Variants in BLTP1 observed in about 807,000 individuals in gnomAD.
BLTP1 encodes the protein bridge-like lipid transfer protein family member 1.
chr4:122,254,732 A>G, the BLTP1 span: 1 of 1,380,978 alleles, frequency 7.2e-7, no homozygotes, highest in South Asian at 1.9e-5. Flanking sequence ...CACTAAGTAC[A>G]GTAGGTATGG....
the BLTP1 span, chr4:122,223,241 T>C: frequency 1.4e-6 from 1 of 712,280 alleles, no homozygotes; most frequent in Non-Finnish European, 1.7e-6. Flanking sequence ...TTAGCCCTTA[T>C]CCTTAAAAAA....
the BLTP1 span, among the ~76,000 whole-genome samples, chr4:122,317,725 A>G: frequency 6.6e-6 from 1 of 151,954 alleles, no homozygotes; most frequent in African/African-American, 2.4e-5. Flanking sequence ...TCTGTAAGTT[A>G]TCATGCAGTG....
the BLTP1 span, chr4:122,292,231 G>A: frequency 2.5e-5 from 12 of 488,024 alleles, no homozygotes; most frequent in Non-Finnish European, 2.9e-5. Context: ...GGCTTCCAAA[G>A]TGCTGGGATT....
chr4:122,247,355 C>T, the BLTP1 span: 21 of 1,612,880 alleles, frequency 1.3e-5, no homozygotes, highest in African/African-American at 4.0e-5. Context: ...CTTGATACAA[C>T]AGGTAGGATT....
the BLTP1 span, chr4:122,359,827 A>C: frequency 6.9e-7 from 1 of 1,456,068 alleles, no homozygotes; most frequent in East Asian, 2.5e-5. Flanking sequence ...TATATTCAGA[A>C]GTTAGTCTCC....
At chr4:122,247,390 G>C in the BLTP1 span, 1 of 1,609,086 alleles carries the variant, frequency 6.2e-7, no homozygotes. Flanking sequence ...TTTTTTCTTG[G>C]CATATATAAA....
At chr4:122,247,488 C>A in the BLTP1 span, 1 of 1,139,430 alleles carries the variant, frequency 8.8e-7, no homozygotes, top group Non-Finnish European at 1.2e-6. Context: ...AAAGGTATTT[C>A]TCCCTATATT....
the BLTP1 span, chr4:122,227,145 T>A: frequency 3.5e-5 from 33 of 945,032 alleles, no homozygotes; most frequent in Non-Finnish European, 4.2e-5. Context: ...TATATTTATG[T>A]AGAAGATTTA....
chr4:122,251,010 CTTTT>C, the BLTP1 span: 1 of 985,058 alleles, frequency 1.0e-6, no homozygotes, highest in Non-Finnish European at 1.2e-6. Flanking sequence ...ATTCAACTCA[CTTTT>C]TATTTTTATT....
chr4:122,329,100 T>A, the BLTP1 span, among the ~76,000 whole-genome samples: 1 of 151,788 alleles, frequency 6.6e-6, no homozygotes, highest in Non-Finnish European at 1.5e-5. Flanking sequence ...TACATCAGCA[T>A]ATTTGGTTTT....
At chr4:122,310,554 G>A in the BLTP1 span, among the ~76,000 whole-genome samples, 589 of 152,216 alleles carry the variant, frequency 3.9e-3, 6 homozygotes, top group African/African-American at 0.013. Flanking sequence ...TGAGTTAAGC[G>A]TAGTAAACTG....
At chr4:122,159,742 A>G in the BLTP1 span, among the ~76,000 whole-genome samples, 1 of 152,162 alleles carries the variant, frequency 6.6e-6, no homozygotes, top group Non-Finnish European at 1.5e-5. Context: ...GCGCAAAGAG[A>G]TTCAGAGGCT....
chr4:122,161,800 G>T, the BLTP1 span, among the ~76,000 whole-genome samples: 2 of 152,078 alleles, frequency 1.3e-5, no homozygotes, highest in Non-Finnish European at 2.9e-5. Flanking sequence ...AGAAATACTT[G>T]CCTATCTTTG....
chr4:122,230,342 T>C, the BLTP1 span: 4 of 715,272 alleles, frequency 5.6e-6, no homozygotes, highest in East Asian at 1.0e-4. Context: ...ATTGTGCTGC[T>C]GCACCTCAAT....
At chr4:122,280,912 T>C in the BLTP1 span, among the ~76,000 whole-genome samples, 1 of 152,224 alleles carries the variant, frequency 6.6e-6, no homozygotes, top group African/African-American at 2.4e-5. Flanking sequence ...ACTTAAATTT[T>C]AGTTTTAAAA....
At chr4:122,251,041 G>A in the BLTP1 span, 1 of 985,180 alleles carries the variant, frequency 1.0e-6, no homozygotes, top group Non-Finnish European at 1.2e-6. Flanking sequence ...GAATTACATG[G>A]GTGGTGATGA....
the BLTP1 span, among the ~76,000 whole-genome samples, chr4:122,304,126 G>A: frequency 1.3e-5 from 2 of 152,146 alleles, no homozygotes; most frequent in African/African-American, 4.8e-5. Flanking sequence ...TCAGTCAGCA[G>A]CCATCAACAT....
chr4:122,230,403 ATGGTGTAGTTGT>A, the BLTP1 span, among the ~76,000 whole-genome samples: 1 of 152,204 alleles, frequency 6.6e-6, no homozygotes, highest in South Asian at 2.1e-4. Context: ...GTCTCTGGTG[ATGGTGTAGTTGT>A]TGGAAATAAC....
At chr4:122,190,490 A>G in the BLTP1 span, 3 of 888,506 alleles carry the variant, frequency 3.4e-6, no homozygotes, top group Non-Finnish European at 4.0e-6. Context: ...TTGCTTAGCC[A>G]TCAGGAAATG....
Sources: gnomAD v4.1 joint callset for allele counts (sites outside exome capture counted in the v4.1 genomes callset) on GRCh38, gnomAD v4.1.1 for gene constraint, MANE v1.5 for transcripts, NCBI Gene and HGNC (gene_info 2026-07-23, HGNC 2026-07-21) for gene names.